Variants in ADCY2 observed in about 807,000 individuals in gnomAD.
ADCY2 encodes adenylate cyclase type 2.
Under a neutral mutation model 125.2 loss-of-function variants are expected in ADCY2, and 31 were observed. The observed-to-expected ratio is 0.25, with a 90% CI of 0.19 to 0.33. The LOEUF (loss-of-function observed/expected upper bound fraction) is 0.33, where lower values mean the gene tolerates loss of function less well. ADCY2 is among the 10% of genes least tolerant of loss of function. The pLI is 1.00. For missense variants in ADCY2, 904 were observed against 1,418.2 expected (o/e 0.64, Z 5.82); for synonymous variants, 512 against 548.4 (o/e 0.93, Z 0.93).
chr5:7,441,407 T>G (rs1741009186), intron 2 of ADCY2, among the ~76,000 whole-genome samples: 2 of 151,970 alleles, frequency 1.3e-5, no homozygotes, highest in African/African-American at 4.9e-5. Flanking sequence ...GAAATTTAAT[T>G]ATTTTTAGTG....
intron 20 of ADCY2, among the ~76,000 whole-genome samples, chr5:7,792,514 C>G (rs763255240): frequency 1.5e-4 from 23 of 152,144 alleles, no homozygotes; most frequent in Non-Finnish European, 2.5e-4. Flanking sequence ...CTGTGGGGAG[C>G]ACAGAAGGTA....
intron 3 of ADCY2, among the ~76,000 whole-genome samples, chr5:7,618,856 T>G (rs1322989125): frequency 6.6e-6 from 1 of 152,218 alleles, no homozygotes; most frequent in African/African-American, 2.4e-5. Flanking sequence ...TTAAGACTAG[T>G]AAAATTGTTG....
At chr5:7,410,607 A>G (rs1739670668) in intron 1 of ADCY2, among the ~76,000 whole-genome samples, 1 of 152,196 alleles carries the variant, frequency 6.6e-6, no homozygotes, top group South Asian at 2.1e-4. Flanking sequence ...CGTACATTTC[A>G]TTTAGTATGC....
At chr5:7,687,800 T>G (rs1428054825) in intron 4 of ADCY2, among the ~76,000 whole-genome samples, 5 of 152,210 alleles carry the variant, frequency 3.3e-5, no homozygotes, top group African/African-American at 1.2e-4. Context: ...TAGAAACTCA[T>G]GTAAACACTG....
chr5:7,601,046 A>T (rs780443120), intron 3 of ADCY2, among the ~76,000 whole-genome samples: 3 of 152,128 alleles, frequency 2.0e-5, no homozygotes, highest in Non-Finnish European at 4.4e-5. Flanking sequence ...AATCTCTTGG[A>T]AGCTGGTACC....
intron 5 of ADCY2, chr5:7,691,910 T>A (rs757628416): frequency 6.4e-6 from 1 of 156,774 alleles, no homozygotes; most frequent in African/African-American, 2.4e-5. Flanking sequence ...ACGTTTTACA[T>A]GTCCAGAGAA....
chr5:7,563,715 G>T (rs1162130038), intron 3 of ADCY2, among the ~76,000 whole-genome samples: 1 of 152,132 alleles, frequency 6.6e-6, no homozygotes, highest in Non-Finnish European at 1.5e-5. Context: ...AGCTTTTTAA[G>T]GCATCCAGTG....
At chr5:7,778,923 C>A (rs995987101) in intron 18 of ADCY2, among the ~76,000 whole-genome samples, 1 of 152,192 alleles carries the variant, frequency 6.6e-6, no homozygotes, top group Non-Finnish European at 1.5e-5. Context: ...CATGTCTTTT[C>A]TTTAAATGAA....
chr5:7,417,992 T>C (rs1359139494), intron 2 of ADCY2, among the ~76,000 whole-genome samples: 1 of 152,216 alleles, frequency 6.6e-6, no homozygotes, highest in Non-Finnish European at 1.5e-5. Context: ...TTTTTTGCTG[T>C]TGTTGTTTTA....
At chr5:7,762,457 G>A (rs1743252727) in intron 16 of ADCY2, among the ~76,000 whole-genome samples, 1 of 152,258 alleles carries the variant, frequency 6.6e-6, no homozygotes, top group African/African-American at 2.4e-5. Flanking sequence ...CCACACACAG[G>A]TGGTGCTGAT....
At chr5:7,609,548 T>G (rs1363873711) in intron 3 of ADCY2, among the ~76,000 whole-genome samples, 7 of 152,332 alleles carry the variant, frequency 4.6e-5, no homozygotes, top group African/African-American at 1.7e-4. Flanking sequence ...TAATAAATAC[T>G]TATCAGTACA....
chr5:7,714,636 A>C (rs1052236791), intron 11 of ADCY2, among the ~76,000 whole-genome samples: 10 of 152,240 alleles, frequency 6.6e-5, no homozygotes, highest in African/African-American at 2.4e-4. Flanking sequence ...GCAGAGCACA[A>C]GTTCCTAACT....
intron 3 of ADCY2, among the ~76,000 whole-genome samples, chr5:7,595,789 T>A (rs1421752020): frequency 2.0e-5 from 3 of 152,210 alleles, no homozygotes; most frequent in Non-Finnish European, 4.4e-5. Flanking sequence ...ACCTCTAGGC[T>A]GCTTATAATA....
chr5:7,535,819 A>T (rs372509690), intron 3 of ADCY2, among the ~76,000 whole-genome samples: 1 of 152,182 alleles, frequency 6.6e-6, no homozygotes, highest in East Asian at 1.9e-4. Context: ...AACTGTTGCT[A>T]ATGATATTAA....
intron 4 of ADCY2, among the ~76,000 whole-genome samples, chr5:7,626,598 T>G (rs1738135471): frequency 6.6e-6 from 1 of 152,164 alleles, no homozygotes; most frequent in African/African-American, 2.4e-5. Context: ...TGCCTTTAAC[T>G]GCCTCCACTC....
chr5:7,412,696 C>T (rs535755480), intron 1 of ADCY2, among the ~76,000 whole-genome samples: 1 of 152,220 alleles, frequency 6.6e-6, no homozygotes, highest in African/African-American at 2.4e-5. Flanking sequence ...CTTTCGGCCA[C>T]GGCAACAACT....
At chr5:7,432,719 A>C (rs1270562180) in intron 2 of ADCY2, among the ~76,000 whole-genome samples, 5 of 152,224 alleles carry the variant, frequency 3.3e-5, no homozygotes, top group African/African-American at 1.2e-4. Context: ...TGCTATGTAC[A>C]ATTTAGATTT....
At chr5:7,551,789 T>C (rs895098127) in intron 3 of ADCY2, among the ~76,000 whole-genome samples, 22 of 152,348 alleles carry the variant, frequency 1.4e-4, no homozygotes, top group African/African-American at 5.0e-4. Flanking sequence ...CTACTAGATA[T>C]GTTTCTTTGA....
intron 20 of ADCY2, chr5:7,798,404 C>G (rs1001441414): frequency 6.6e-6 from 1 of 152,160 alleles, no homozygotes; most frequent in Non-Finnish European, 1.5e-5. Context: ...TCCTTCCCCT[C>G]TTCTCCATTC....
Sources: allele counts gnomAD v4.1 joint callset (sites outside exome capture counted in the v4.1 genomes callset), GRCh38; gene constraint gnomAD v4.1.1; transcripts MANE v1.5; gene names NCBI Gene and HGNC (gene_info 2026-07-23, HGNC 2026-07-21).